RYR2: variants seen among roughly 807,000 people sequenced by gnomAD.
RYR2 encodes ryanodine receptor 2.
RYR2 carries 227 observed loss-of-function variants against 601.1 expected under a neutral mutation model. That is an observed-to-expected ratio of 0.38 (90% confidence interval 0.34 to 0.42). The LOEUF (loss-of-function observed/expected upper bound fraction) is 0.42. RYR2 is among the 10% of genes least tolerant of loss of function. The probability of loss-of-function intolerance (pLI) is 1.00; values close to 1 mark genes in which losing one functional copy is unlikely to be tolerated. For missense variants in RYR2, 4,646 were observed against 6,156.5 expected (o/e 0.75, Z 8.21); for synonymous variants, 2,223 against 2,175.1 (o/e 1.02, Z -0.61).
intron 8 of RYR2, among the ~76,000 whole-genome samples, chr1:237,382,400 A>C (rs1701594571): frequency 6.6e-6 from 1 of 152,118 alleles, no homozygotes; most frequent in South Asian, 2.1e-4. Context: ...ATTATACTTT[A>C]AGTTCTAGGG....
At chr1:237,169,270 G>GT (rs962859119) in intron 1 of RYR2, among the ~76,000 whole-genome samples, 80 of 150,996 alleles carry the variant, frequency 5.3e-4, no homozygotes, top group Non-Finnish European at 5.5e-4. Flanking sequence ...ATATGGATGG[G>GT]TTACTCTGTG....
intron 74 of RYR2, 22 bp downstream of exon 74, chr1:237,723,284 A>G: frequency 1.3e-6 from 2 of 1,596,412 alleles, no homozygotes; most frequent in Non-Finnish European, 8.6e-7. Context: ...TGTCAATTCA[A>G]TCATATTTGC....
intron 2 of RYR2, among the ~76,000 whole-genome samples, chr1:237,283,672 G>A (rs1033637727): frequency 6.6e-6 from 1 of 152,064 alleles, no homozygotes; most frequent in African/African-American, 2.4e-5. Context: ...CCTGTTTCAA[G>A]GAATTTAATG....
At position 237,165,843 on chromosome 1, in the gene RYR2, TA is replaced by T. The variant is rs372214629; in HGVS notation, c.49-104645del. On this transcript the variant is annotated intron_variant, in intron 1 of 104. Coordinates refer to ENST00000366574, the MANE Select transcript of RYR2 (RefSeq NM_001035.3). The stretch of plus-strand genomic sequence containing the variant: ...TAGTGAGACCTCATCTCTCAGAAAG[TA>T]AAAAAAAATTAGCCAGGCCTGGTGG... Among the ~76,000 whole-genome samples, 301 of 150,958 alleles carry T rather than the reference TA, an allele frequency of 2.0e-3. 3 individuals carry two copies. Among genetic ancestry groups the T allele is most frequent in the African/African-American group, 7.0e-3 (286 of 41,144 alleles).
intron 10 of RYR2, among the ~76,000 whole-genome samples, chr1:237,415,450 C>T (rs1704879438): frequency 6.6e-6 from 1 of 152,166 alleles, no homozygotes; most frequent in South Asian, 2.1e-4. Context: ...AAGAAATAGA[C>T]AATTATGTAC....
intron 1 of RYR2, among the ~76,000 whole-genome samples, chr1:237,170,744 T>C (rs116391188): frequency 1.7e-3 from 257 of 152,238 alleles, no homozygotes; most frequent in African/African-American, 6.0e-3. Flanking sequence ...ACTCAGCTAT[T>C]GTGTTGTGGG....
intron 2 of RYR2, among the ~76,000 whole-genome samples, chr1:237,283,836 C>T (rs565980017): frequency 2.0e-5 from 3 of 152,192 alleles, no homozygotes; most frequent in Admixed American, 2.0e-4. Context: ...TACTGGAGTA[C>T]AGGTGGTATT....
At chr1:237,584,163 T>G (rs2148392269) in intron 29 of RYR2, among the ~76,000 whole-genome samples, 1 of 152,292 alleles carries the variant, frequency 6.6e-6, no homozygotes, top group South Asian at 2.1e-4. Context: ...ACCCATATTT[T>G]ACATGTGCTG....
chr1:237,260,393 G>A (rs531772571), intron 1 of RYR2, among the ~76,000 whole-genome samples: 4 of 152,312 alleles, frequency 2.6e-5, no homozygotes, highest in South Asian at 4.1e-4. Context: ...ATTTCAGCAC[G>A]TTGAAAGCAC....
chr1:237,238,377 A>G (rs1187560550), intron 1 of RYR2, among the ~76,000 whole-genome samples: 2 of 152,154 alleles, frequency 1.3e-5, no homozygotes, highest in Admixed American at 6.5e-5. Context: ...ACCAAAGTAT[A>G]CCTTACATGT....
chr1:237,511,744 T>C lies in RYR2; in HGVS notation c.2775T>C (p.Pro925=). ...GCCTGGTGGAGTTCTCCAAGCTGCC[T>C]GAACAGGAGCGCAATTACAACTTAC... ...HPCLVEFSKL[P]EQERNYNLQM... is the part of the protein sequence containing the mutation. Residue 925 remains proline, a synonymous_variant, in exon 24 of 105, where the codon CCT becomes CCC. Transcript: ENST00000366574. 1.3e-6 allele frequency: 2 copies of C among 1,565,620 alleles called. No individual in the cohort carries two copies. Among genetic ancestry groups the C allele is most frequent in the Non-Finnish European group, 1.7e-6 (2 of 1,153,336 alleles).
intron 1 of RYR2, among the ~76,000 whole-genome samples, chr1:237,073,866 T>TAAAA (rs71178385): frequency 3.2e-5 from 4 of 123,266 alleles, no homozygotes; most frequent in African/African-American, 1.2e-4. Flanking sequence ...GACTCCATCT[T>TAAAA]AAAAAAAAAA....
chr1:237,068,699 G>T (rs923659546), intron 1 of RYR2, among the ~76,000 whole-genome samples: 7 of 152,156 alleles, frequency 4.6e-5, no homozygotes, highest in African/African-American at 1.2e-4. Flanking sequence ...ACTGTGTTAT[G>T]ATTGAAGCAA....
intron 3 of RYR2, among the ~76,000 whole-genome samples, chr1:237,344,586 C>G (rs1237035754): frequency 6.6e-6 from 1 of 152,162 alleles, no homozygotes; most frequent in Non-Finnish European, 1.5e-5. Flanking sequence ...TCCTTAAACA[C>G]TTTCATGAAG....
At chr1:237,250,654 C>T (rs368754445) in intron 1 of RYR2, among the ~76,000 whole-genome samples, 5 of 152,184 alleles carry the variant, frequency 3.3e-5, no homozygotes, top group East Asian at 3.9e-4. Context: ...AGAACTTATA[C>T]ATCCTTTCAC....
chr1:237,499,169 G>C (rs1461002991), intron 20 of RYR2, among the ~76,000 whole-genome samples: 9 of 152,148 alleles, frequency 5.9e-5, no homozygotes, highest in Admixed American at 2.6e-4. Context: ...TAATTGGAGA[G>C]TGGCAGTATT....
chr1:237,720,116 T>C (rs1342953570), intron 73 of RYR2, among the ~76,000 whole-genome samples: 2 of 152,236 alleles, frequency 1.3e-5, no homozygotes, highest in Non-Finnish European at 1.5e-5. Context: ...TTTTATACCA[T>C]TGAATAAATT....
intron 88 of RYR2, among the ~76,000 whole-genome samples, chr1:237,779,460 TGTGA>T (rs1190611775): frequency 6.6e-6 from 1 of 152,090 alleles, no homozygotes; most frequent in Non-Finnish European, 1.5e-5. Flanking sequence ...ACCTTCAGAG[TGTGA>T]GTATTTGCCA....
chr1:237,371,648 G>A (rs751018946), intron 6 of RYR2, among the ~76,000 whole-genome samples: 27 of 152,074 alleles, frequency 1.8e-4, no homozygotes, highest in East Asian at 7.7e-4. Flanking sequence ...AGAAGACTAC[G>A]TATCAATAAC....
Sources: gnomAD v4.1 joint callset for allele counts (sites outside exome capture counted in the v4.1 genomes callset) on GRCh38, gnomAD v4.1.1 for gene constraint, MANE v1.5 for transcripts, NCBI Gene and HGNC (gene_info 2026-07-23, HGNC 2026-07-21) for gene names.